SMIM36: variants seen among roughly 807,000 people sequenced by gnomAD.
SMIM36 encodes small integral membrane protein 36.
chr17:55,500,698 AT>A (rs1909894429), intron 1 of SMIM36, among the ~76,000 whole-genome samples: 1 of 144,150 alleles, frequency 6.9e-6, no homozygotes, highest in Non-Finnish European at 1.5e-5. Flanking sequence ...TTGGATTCCT[AT>A]TAAAAATAAA....
intron 4 of SMIM36, among the ~76,000 whole-genome samples, chr17:55,466,285 A>AG (rs1247729717): frequency 6.8e-6 from 1 of 147,578 alleles, no homozygotes; most frequent in Non-Finnish European, 1.5e-5. Context: ...CTCAAAAAAA[A>AG]AAAAAAAAAA....
upstream of SMIM36, among the ~76,000 whole-genome samples, chr17:55,511,979 A>G (rs79066097): frequency 4.3e-3 from 657 of 152,344 alleles, 5 homozygotes; most frequent in African/African-American, 0.015. Flanking sequence ...TATGGCAGTG[A>G]TAAGACAGAG....
chr17:55,523,990 A>G, the SMIM36 span, among the ~76,000 whole-genome samples: 1 of 152,024 alleles, frequency 6.6e-6, no homozygotes, highest in Non-Finnish European at 1.5e-5. Context: ...CTCATGTTAC[A>G]GAGGTTTGCT....
chr17:55,480,236 C>T (rs1420777295), intron 1 of SMIM36, among the ~76,000 whole-genome samples: 7 of 136,324 alleles, frequency 5.1e-5, no homozygotes, highest in African/African-American at 8.3e-5. Context: ...AAAAATGGAG[C>T]GTTCTAAAAA....
At chr17:55,504,837 A>T (rs1261894055) in intron 1 of SMIM36, among the ~76,000 whole-genome samples, 94 of 81,848 alleles carry the variant, frequency 1.1e-3, no homozygotes, top group African/African-American at 2.5e-3. Flanking sequence ...AGCAAGACTA[A>T]TAAAGAAAAA....
intron 4 of SMIM36, chr17:55,458,223 A>G (rs1387934623): frequency 6.6e-6 from 1 of 152,206 alleles, no homozygotes; most frequent in Non-Finnish European, 1.5e-5. Flanking sequence ...TCTATTACTC[A>G]CTTTCTCCAA....
the SMIM36 span, among the ~76,000 whole-genome samples, chr17:55,525,949 C>T: frequency 6.6e-6 from 1 of 152,044 alleles, no homozygotes; most frequent in Non-Finnish European, 1.5e-5. Context: ...TGAGCCACCA[C>T]ACCAATTACA....
rs113433498 is a variant in SMIM36 at position 55,483,462 on chromosome 17, T to C, written c.*175-3882A>G. Among the ~76,000 whole-genome samples, 761 of 152,290 alleles carry C rather than the reference T, an allele frequency of 5.0e-3. 5 individuals carry two copies. The highest frequency in any genetic ancestry group is 8.8e-3 in the Non-Finnish European group (601 of 68,020). ...GAAAAGAGATTAACATTTAAATCAGTAGAACAGTAAAGCAGATGACCCTCC... is the reference window on the plus strand; with the variant it reads ...GAAAAGAGATTAACATTTAAATCAGCAGAACAGTAAAGCAGATGACCCTCC... On this transcript the variant is annotated intron_variant, in intron 1 of 4. Coordinates refer to ENST00000636752, the Ensembl canonical transcript of SMIM36.
chr17:55,501,048 AAT>A (rs1208416263), intron 1 of SMIM36, among the ~76,000 whole-genome samples: 2 of 39,956 alleles, frequency 5.0e-5, no homozygotes, highest in East Asian at 9.4e-4. Flanking sequence ...TATATATTAT[AAT>A]ATATAATATA....
chr17:55,523,385 T>C, the SMIM36 span, among the ~76,000 whole-genome samples: 159 of 151,910 alleles, frequency 1.0e-3, 1 homozygote, highest in African/African-American at 3.6e-3. Flanking sequence ...CAAAAATTAG[T>C]TGGGCATGGT....
chr17:55,496,010 G>A (rs577953215), intron 1 of SMIM36, among the ~76,000 whole-genome samples: 16 of 152,198 alleles, frequency 1.1e-4, no homozygotes, highest in East Asian at 3.9e-4. Flanking sequence ...TGACTGCTGC[G>A]TATACATTTT....
At chr17:55,482,155 A>C (rs907056925) in intron 1 of SMIM36, among the ~76,000 whole-genome samples, 5 of 152,236 alleles carry the variant, frequency 3.3e-5, no homozygotes, top group Non-Finnish European at 5.9e-5. Flanking sequence ...TATTAGACGA[A>C]TCCTAAGACC....
intron 4 of SMIM36, among the ~76,000 whole-genome samples, chr17:55,450,624 A>C (rs746709500): frequency 2.0e-5 from 3 of 152,188 alleles, no homozygotes; most frequent in Non-Finnish European, 4.4e-5. Context: ...GTGAGCCCAG[A>C]CGTGGAACCC....
At chr17:55,497,066 C>G (rs958412702) in intron 1 of SMIM36, among the ~76,000 whole-genome samples, 4 of 152,024 alleles carry the variant, frequency 2.6e-5, no homozygotes, top group Non-Finnish European at 4.4e-5. Flanking sequence ...TCCGAACTGT[C>G]TTTGCTTCAC....
chr17:55,510,027 C>A (rs1210867318), intron 1 of SMIM36, among the ~76,000 whole-genome samples: 1 of 152,158 alleles, frequency 6.6e-6, no homozygotes, highest in Middle Eastern at 3.4e-3. Flanking sequence ...ATCATCATAG[C>A]TAACCCTGTG....
chr17:55,502,478 C>T lies in SMIM36; in HGVS notation c.*174+8401G>A, dbSNP rs911571372. ...AGCAGGGGCACACTGACACCTCACA[C>T]GGCAGGGTATTCCAACAGACCTGCA... On this transcript the variant is annotated intron_variant, in intron 1 of 4. Transcript: ENST00000636752. Among the ~76,000 whole-genome samples the T allele has an allele frequency of 6.5e-5, 7 of 108,396 alleles. 1 individual carries two copies. Among genetic ancestry groups the T allele is most frequent in the South Asian group, 3.1e-4 (1 of 3,220 alleles). The allele number at this position is 108,396 out of a possible 152,430, so 71.1% of individuals were successfully genotyped here.
chr17:55,530,344 C>T, the SMIM36 span, among the ~76,000 whole-genome samples: 1 of 152,208 alleles, frequency 6.6e-6, no homozygotes, highest in Non-Finnish European at 1.5e-5. Flanking sequence ...CTTCACCTTC[C>T]TCTCTGCCAT....
At chr17:55,478,190 C>T (rs1002258650) in intron 3 of SMIM36, among the ~76,000 whole-genome samples, 4 of 150,768 alleles carry the variant, frequency 2.7e-5, no homozygotes, top group African/African-American at 4.9e-5. Context: ...CCCTCCTCCC[C>T]CCACCCAAAA....
chr17:55,491,770 G>T (rs1357738362), intron 1 of SMIM36, among the ~76,000 whole-genome samples: 12 of 152,166 alleles, frequency 7.9e-5, no homozygotes, highest in Non-Finnish European at 1.6e-4. Context: ...AAGTAAAGCT[G>T]ATAGAACAGA....
Sources: allele counts gnomAD v4.1 joint callset (sites outside exome capture counted in the v4.1 genomes callset), GRCh38; gene constraint gnomAD v4.1.1; transcripts MANE v1.5; gene names NCBI Gene and HGNC (gene_info 2026-07-23, HGNC 2026-07-21).